The following ZNF423 variants were observed in gnomAD, a reference collection of about 807,000 sequenced individuals.
ZNF423 encodes the protein Ebf-associated zinc finger protein.
A neutral mutation model predicts 95.8 loss-of-function variants in ZNF423; 12 were observed. That is an observed-to-expected ratio of 0.13 (90% CI 0.08 to 0.20). ZNF423 has a LOEUF of 0.20. ZNF423 is among the 10% of genes least tolerant of loss of function. The pLI is 1.00. For missense variants in ZNF423, 1,316 were observed against 1,737.1 expected (o/e 0.76, Z 4.31); for synonymous variants, 749 against 711.9 (o/e 1.05, Z -0.83).
chr16:49,712,122 A>T (rs961967910), intron 3 of ZNF423, among the ~76,000 whole-genome samples: 24 of 152,164 alleles, frequency 1.6e-4, no homozygotes, highest in Non-Finnish European at 2.8e-4. Flanking sequence ...GTCGCTATTT[A>T]AAAAAATAAT....
At chr16:49,572,177 G>A (rs1970373836) in intron 5 of ZNF423, among the ~76,000 whole-genome samples, 1 of 152,172 alleles carries the variant, frequency 6.6e-6, no homozygotes, top group African/African-American at 2.4e-5. Flanking sequence ...AGACAACACA[G>A]ACCTGCAGCT....
rs992705429 is a variant in ZNF423, at chr16:49,714,610, C to T, written c.301+16161G>A. On this transcript the variant is annotated intron_variant, in intron 3 of 7. Transcript: ENST00000563137. The stretch of plus-strand genomic sequence containing the variant: ...GCAGTGAGCCAAGATCTCGCCACTG[C>T]ACTCCAGCCTGGGAGAAAAAAAAAA... 1.0e-4 allele frequency among the ~76,000 whole-genome samples: 15 copies of T among 145,648 alleles called. No individual in the cohort carries two copies. In the Admixed American group the frequency reaches 1.0e-3, roughly 10 times the overall value.
chr16:49,779,985 C>T (rs867779625), intron 2 of ZNF423, among the ~76,000 whole-genome samples: 1 of 152,170 alleles, frequency 6.6e-6, no homozygotes, highest in Non-Finnish European at 1.5e-5. Context: ...GCCAGGGACA[C>T]GAGACAAATG....
chr16:49,511,525 G>C (rs989800655), intron 7 of ZNF423, among the ~76,000 whole-genome samples: 1 of 152,212 alleles, frequency 6.6e-6, no homozygotes, highest in Non-Finnish European at 1.5e-5. Flanking sequence ...GAGGTCCTAA[G>C]AGGCTACCCA....
At chr16:49,854,179 C>T (rs994422483) in intron 1 of ZNF423, 13 of 985,420 alleles carry the variant, frequency 1.3e-5, no homozygotes, top group Non-Finnish European at 1.6e-5. Flanking sequence ...TGGAGCAGGC[C>T]AGGCTGTCCC....
rs148532616 is a variant in ZNF423, at chr16:49,555,151, C to G, written c.3602-29657G>C. Among the ~76,000 whole-genome samples the G allele has an allele frequency of 2.7e-3, 411 of 152,200 alleles. 2 individuals are homozygous for G. Among genetic ancestry groups the G allele is most frequent in the African/African-American group, 9.2e-3 (381 of 41,506 alleles). On this transcript the variant is annotated intron_variant, in intron 5 of 7. Transcript: ENST00000563137. ...CTACATCAAAAACTAGGATTTTTCC[C>G]CCTAAAACAAAAATAAAAACAAAAT...
At chr16:49,660,230 A>T (rs1021889091) in intron 3 of ZNF423, among the ~76,000 whole-genome samples, 29 of 148,716 alleles carry the variant, frequency 2.0e-4, no homozygotes, top group African/African-American at 7.1e-4. Context: ...AATGGATGAA[A>T]GGGTACCTGG....
chr16:49,514,006 C>G, intron 7 of ZNF423, among the ~76,000 whole-genome samples: 1 of 152,030 alleles, frequency 6.6e-6, no homozygotes, highest in Middle Eastern at 3.4e-3. Flanking sequence ...GCCGTCTGTC[C>G]TGCTTGCCCC....
intron 7 of ZNF423, among the ~76,000 whole-genome samples, chr16:49,504,130 C>T (rs1967538468): frequency 1.3e-5 from 2 of 152,098 alleles, no homozygotes; most frequent in South Asian, 2.1e-4. Flanking sequence ...TTAACAGGAA[C>T]AGAGTTTCAG....
At chr16:49,571,814 A>G (rs908107729) in intron 5 of ZNF423, among the ~76,000 whole-genome samples, 1 of 152,108 alleles carries the variant, frequency 6.6e-6, no homozygotes, top group Non-Finnish European at 1.5e-5. Context: ...GGACAAGGGA[A>G]CAGGCAGCTG....
At chr16:49,520,463 T>C (rs1343677625) in intron 7 of ZNF423, among the ~76,000 whole-genome samples, 1 of 152,210 alleles carries the variant, frequency 6.6e-6, no homozygotes, top group African/African-American at 2.4e-5. Flanking sequence ...AGACCAAGCC[T>C]GTCATGGTTC....
chr16:49,513,680 C>T (rs542668267), intron 7 of ZNF423, among the ~76,000 whole-genome samples: 77 of 140,872 alleles, frequency 5.5e-4, no homozygotes, highest in African/African-American at 1.8e-3. Context: ...GATGGACGGA[C>T]GGATGGCAAA....
intron 5 of ZNF423, among the ~76,000 whole-genome samples, chr16:49,538,357 T>C (rs528520368): frequency 1.3e-5 from 2 of 152,320 alleles, no homozygotes; most frequent in East Asian, 3.9e-4. Context: ...GCCTTTTTCC[T>C]ACTTGGAAAA....
intron 3 of ZNF423, among the ~76,000 whole-genome samples, chr16:49,713,346 G>A (rs1045717056): frequency 1.3e-5 from 2 of 152,206 alleles, no homozygotes; most frequent in African/African-American, 2.4e-5. Context: ...AGTGGGGTGG[G>A]TACAAAGGAT....
rs57419300 is a variant in ZNF423, at chr16:49,794,236, G to GT, written c.41-4691dup. On this transcript the variant is annotated intron_variant, in intron 1 of 7. Transcript: ENST00000563137. ...GTTTTTTTTGTTTGTTTTTGTTTTT[G>GT]TTTTTTTTTTTTTGTGGAGACAGGT... is the stretch of plus-strand genomic sequence containing the variant. Among the ~76,000 whole-genome samples the GT allele has an allele frequency of 4.9e-3, 687 of 140,118 alleles. 1 individual carries two copies. Among genetic ancestry groups the GT allele is most frequent in the South Asian group, 0.011 (49 of 4,354 alleles). 91.9% of individuals were successfully genotyped at this position (140,118 alleles called of 152,430 possible).
chr16:49,819,943 T>TG (rs2034914530), intron 1 of ZNF423, among the ~76,000 whole-genome samples: 1 of 152,166 alleles, frequency 6.6e-6, no homozygotes, highest in South Asian at 2.1e-4. Context: ...CTAATGTAGG[T>TG]GTTCCAAGTA....
intron 5 of ZNF423, 107 bp from the exon 6 acceptor site, chr16:49,525,601 A>C: frequency 6.7e-7 from 1 of 1,490,988 alleles, no homozygotes; most frequent in Non-Finnish European, 9.1e-7. Context: ...TCCAATCCCC[A>C]GCACCGGGGC....
chr16:49,554,160 T>C (rs1969743701), intron 5 of ZNF423, among the ~76,000 whole-genome samples: 1 of 152,084 alleles, frequency 6.6e-6, no homozygotes, highest in Non-Finnish European at 1.5e-5. Context: ...AGCTCCCAAC[T>C]TTACAGACCC....
chr16:49,846,436 C>T (rs569251255), intron 1 of ZNF423, among the ~76,000 whole-genome samples: 1 of 152,178 alleles, frequency 6.6e-6, no homozygotes, highest in Non-Finnish European at 1.5e-5. Flanking sequence ...ATGAAGTGAG[C>T]TCCAAGGTTC....
Sources: allele counts gnomAD v4.1 joint callset (sites outside exome capture counted in the v4.1 genomes callset), GRCh38; gene constraint gnomAD v4.1.1; transcripts MANE v1.5; gene names NCBI Gene and HGNC (gene_info 2026-07-23, HGNC 2026-07-21).